The following NIBAN1 variants were observed in gnomAD, a reference collection of about 807,000 sequenced individuals.
The protein encoded by NIBAN1 is niban apoptosis regulator 1, also known as protein Niban 1.
A neutral mutation model predicts 75.1 loss-of-function variants in NIBAN1; 81 were observed. That is an observed-to-expected ratio of 1.08 (90% CI 0.90 to 1.30). The LOEUF is 1.30. Among genes scored for constraint, NIBAN1 ranks in the 50% most tolerant of loss-of-function variants. The pLI is 0.00. For synonymous variants in NIBAN1, 436 were observed against 424.8 expected, an observed-to-expected ratio of 1.03 and a Z score of -0.32; for missense variants, 1,133 against 1,128.1, an observed-to-expected ratio of 1.00 and a Z score of -0.06.
chr1:184,911,395 C>CT (rs1211036726), intron 1 of NIBAN1, among the ~76,000 whole-genome samples: 1 of 152,176 alleles, frequency 6.6e-6, no homozygotes, highest in Non-Finnish European at 1.5e-5. Context: ...TTTGGCTCAG[C>CT]TTCATCCCAG....
intron 5 of NIBAN1, among the ~76,000 whole-genome samples, chr1:184,834,740 G>T (rs907927577): frequency 2.6e-5 from 4 of 152,192 alleles, no homozygotes; most frequent in African/African-American, 7.2e-5. Flanking sequence ...GTTCTTTGTA[G>T]ATTCTGGATA....
Position 184,795,747 on chromosome 1 carries a change from T to C in NIBAN1, c.2017A>G (p.Thr673Ala). 1 of 1,612,254 alleles carries C rather than the reference T, an allele frequency of 6.2e-7. No individual in the cohort carries two copies. The highest frequency in any genetic ancestry group is 8.5e-7 in the Non-Finnish European group (1 of 1,178,882). ...GAGCATGTGCCCGGGAGTCCTGCTG[T>C]GTCCTCTGTTGCCACAGGATTCACC... ...PVVNPVATEDTAGLPGTCSSE... is the reference protein window; with the variant it reads ...PVVNPVATEDAAGLPGTCSSE... Residue 673 changes from threonine (T) to alanine (A), a missense_variant, in exon 14 of 14, where the codon ACA (threonine) becomes GCA (alanine). Transcript: ENST00000367511.
chr1:184,795,495 C>T lies in NIBAN1; in HGVS notation c.2269G>A (p.Ala757Thr). ...EEEKEPSQAAAIHPDNCEESE... is the reference protein window; with the variant it reads ...EEEKEPSQAATIHPDNCEESE... ...TCTTCACAGTTGTCGGGGTGGATGG[C>T]AGCTGCCTGACTGGGCTCTTTTTCC... is the stretch of plus-strand genomic sequence containing the variant. The change falls in exon 14 of 14, where the codon GCC (alanine) becomes ACC (threonine). Residue 757 changes from alanine to threonine, a missense_variant. By Grantham distance (58) the Ala-to-Thr change is moderately conservative. Coordinates refer to ENST00000367511, the MANE Select transcript of NIBAN1 (RefSeq NM_052966.4). 1 of 1,613,258 alleles carries T rather than the reference C, an allele frequency of 6.2e-7. No individual in the cohort carries two copies. The highest frequency in any genetic ancestry group is 2.2e-5 in the East Asian group (1 of 44,880).
intron 6 of NIBAN1, among the ~76,000 whole-genome samples, chr1:184,824,360 T>C (rs1207633130): frequency 6.6e-6 from 1 of 151,998 alleles, no homozygotes; most frequent in African/African-American, 2.4e-5. Context: ...AGTGCCTTCA[T>C]CCAGCACTGG....
chr1:184,863,980 T>C (rs1004014880), intron 5 of NIBAN1, among the ~76,000 whole-genome samples: 3 of 152,230 alleles, frequency 2.0e-5, no homozygotes, highest in African/African-American at 7.2e-5. Context: ...TGGCATTCAA[T>C]AATTGGTTGC....
intron 3 of NIBAN1, 142 bp from the exon 4 acceptor site, chr1:184,890,364 T>A: frequency 1.6e-6 from 1 of 627,268 alleles, no homozygotes; most frequent in Non-Finnish European, 2.8e-6. Flanking sequence ...AGTCATTTAC[T>A]CAAAAAATAT....
chr1:184,876,027 G>A (rs1371585563), intron 5 of NIBAN1, among the ~76,000 whole-genome samples: 2 of 152,022 alleles, frequency 1.3e-5, no homozygotes, highest in African/African-American at 2.4e-5. Context: ...TACAAAATTA[G>A]CCGGGCATGG....
intron 1 of NIBAN1, among the ~76,000 whole-genome samples, chr1:184,958,420 G>T (rs967921573): frequency 6.9e-6 from 1 of 144,764 alleles, no homozygotes; most frequent in Non-Finnish European, 1.5e-5. Flanking sequence ...AAATAATTTA[G>T]AATTAAGATA....
intron 5 of NIBAN1, among the ~76,000 whole-genome samples, chr1:184,881,077 C>T (rs144953034): frequency 4.0e-5 from 6 of 151,430 alleles, no homozygotes; most frequent in African/African-American, 1.5e-4. Flanking sequence ...AGCAAAACAC[C>T]CATGAAAGTG....
At chr1:184,822,892 T>C (rs1654740590) in intron 8 of NIBAN1, among the ~76,000 whole-genome samples, 1 of 151,956 alleles carries the variant, frequency 6.6e-6, no homozygotes, top group African/African-American at 2.4e-5. Flanking sequence ...GTGTCAAGGG[T>C]GCTACAATGG....
rs148553697 is a variant in NIBAN1 at position 184,925,917 on chromosome 1, G to A, written c.56-26608C>T. 4.5e-3 allele frequency among the ~76,000 whole-genome samples: 688 copies of A among 152,224 alleles called. 22 individuals carry two copies. Among genetic ancestry groups the A allele is most frequent in the Admixed American group, 0.039 (597 of 15,292 alleles). On this transcript the variant is annotated intron_variant, in intron 1 of 13. Coordinates refer to ENST00000367511, the MANE Select transcript of NIBAN1 (RefSeq NM_052966.4). Reference sequence around the variant, plus strand: ...TTCTGGCTTTTTCTGTGTACTTACTGTAACTAGTGAGTTTTGAACCTCCCA... The same window carrying A: ...TTCTGGCTTTTTCTGTGTACTTACTATAACTAGTGAGTTTTGAACCTCCCA...
At chr1:184,884,891 G>T in intron 4 of NIBAN1, 91 bp from the exon 5 acceptor site, 2 of 1,448,002 alleles carry the variant, frequency 1.4e-6, no homozygotes, top group Admixed American at 4.1e-5. Context: ...ACTATCTGGG[G>T]CAGGCCATGG....
chr1:184,832,458 C>T (rs941735510), intron 5 of NIBAN1, among the ~76,000 whole-genome samples: 3 of 152,214 alleles, frequency 2.0e-5, no homozygotes, highest in Admixed American at 6.5e-5. Context: ...ATTGCTAACA[C>T]TTACAAAGCA....
At chr1:184,884,920 T>C in intron 4 of NIBAN1, 120 bp from the exon 5 acceptor site, 8 of 1,236,646 alleles carry the variant, frequency 6.5e-6, no homozygotes, top group Non-Finnish European at 8.9e-6. Flanking sequence ...GTTGGTGAGA[T>C]ATTTTCACAG....
At chr1:184,964,064 T>TAA (rs76525602) in intron 1 of NIBAN1, among the ~76,000 whole-genome samples, 5,614 of 127,308 alleles carry the variant, frequency 0.044, 363 homozygotes, top group African/African-American at 0.15. Flanking sequence ...CTAAATAAGC[T>TAA]AAAAAAAAAA....
intron 1 of NIBAN1, among the ~76,000 whole-genome samples, chr1:184,942,442 C>T (rs981454795): frequency 6.6e-6 from 1 of 152,210 alleles, no homozygotes; most frequent in African/African-American, 2.4e-5. Context: ...GCCTGTAATC[C>T]CAGCACTCTG....
intron 1 of NIBAN1, among the ~76,000 whole-genome samples, chr1:184,908,488 C>G (rs920411581): frequency 6.6e-6 from 1 of 152,236 alleles, no homozygotes; most frequent in African/African-American, 2.4e-5. Context: ...CTACCTTATT[C>G]CATAGAGAAA....
intron 5 of NIBAN1, among the ~76,000 whole-genome samples, chr1:184,832,978 C>A (rs926494636): frequency 1.3e-5 from 2 of 151,732 alleles, no homozygotes; most frequent in Non-Finnish European, 2.9e-5. Context: ...AATAATCAAG[C>A]CTTAGAAAGG....
chr1:184,852,688 G>C (rs757216679), intron 5 of NIBAN1, among the ~76,000 whole-genome samples: 3 of 152,156 alleles, frequency 2.0e-5, no homozygotes, highest in African/African-American at 4.8e-5. Flanking sequence ...CATTTGGTTG[G>C]TGCTTTCCAT....
Sources: allele counts gnomAD v4.1 joint callset (sites outside exome capture counted in the v4.1 genomes callset), GRCh38; gene constraint gnomAD v4.1.1; transcripts MANE v1.5; gene names NCBI Gene and HGNC (gene_info 2026-07-23, HGNC 2026-07-21).